Variants in ZNF529 observed in about 807,000 individuals in gnomAD.
ZNF529 encodes the protein zinc finger protein 529.
Under a neutral mutation model 10.1 loss-of-function variants are expected in ZNF529, and 11 were observed. The observed-to-expected ratio is 1.09, with a 90% CI of 0.69 to 1.81. The LOEUF is 1.81. Among genes scored for constraint, ZNF529 ranks in the 40% most tolerant of loss-of-function variants. ZNF529 has a pLI of 0.00. For missense variants in ZNF529, 624 were observed against 666.8 expected (o/e 0.94, Z 0.71); for synonymous variants, 204 against 215.7 (o/e 0.95, Z 0.47).
upstream of ZNF529, chr19:36,573,480 C>T (rs1165147165): frequency 2.1e-6 from 1 of 471,024 alleles, no homozygotes; most frequent in Admixed American, 2.3e-5. Context: ...TGCCGCTGCG[C>T]GTCCCCTAGG....
At chr19:36,549,203 TTC>T (rs2035169632) in intron 4 of ZNF529, among the ~76,000 whole-genome samples, 1 of 152,174 alleles carries the variant, frequency 6.6e-6, no homozygotes, top group Non-Finnish European at 1.5e-5. Flanking sequence ...ATAACTTCAT[TTC>T]TGTTTCTAAT....
chr19:36,563,452 C>G (rs1403444463), intron 2 of ZNF529, among the ~76,000 whole-genome samples: 1 of 151,184 alleles, frequency 6.6e-6, no homozygotes, highest in Non-Finnish European at 1.5e-5. Context: ...CTATGGGTGA[C>G]TCAGCTGCAA....
intron 2 of ZNF529, among the ~76,000 whole-genome samples, chr19:36,583,538 G>C (rs2036516680): frequency 6.6e-6 from 1 of 151,722 alleles, no homozygotes; most frequent in Non-Finnish European, 1.5e-5. Context: ...GCCCCACCGA[G>C]ATGAGCTCAA....
In ZNF529 at chr19:36,565,293, C is replaced by A. The variant is rs117163272; in HGVS notation, c.14+7040G>T. Among the ~76,000 whole-genome samples the A allele has an allele frequency of 4.3e-3, 656 of 152,026 alleles. 2 individuals are homozygous for A. Among genetic ancestry groups the A allele is most frequent in the Non-Finnish European group, 6.9e-3 (471 of 67,976 alleles). Reference sequence around the variant, plus strand: ...CAATGAAGGAGAAACTAAAACATACCCAAGTAAACAAAAACTGAGGGACCT... The same window carrying A: ...CAATGAAGGAGAAACTAAAACATACACAAGTAAACAAAAACTGAGGGACCT... On this transcript the variant is annotated intron_variant, in intron 2 of 4. Coordinates refer to ENST00000591340, the MANE Select transcript of ZNF529 (RefSeq NM_020951.5).
intron 1 of ZNF529, among the ~76,000 whole-genome samples, chr19:36,593,205 T>C (rs1301084383): frequency 6.6e-6 from 1 of 152,156 alleles, no homozygotes; most frequent in Non-Finnish European, 1.5e-5. Flanking sequence ...AGATAGGGTC[T>C]CAGTCTGTCA....
chr19:36,592,446 T>A (rs1363595523), intron 1 of ZNF529, among the ~76,000 whole-genome samples: 1 of 151,332 alleles, frequency 6.6e-6, no homozygotes. Flanking sequence ...TACAAAAAAC[T>A]AGCTGGGCAT....
chr19:36,557,526 C>A (rs1445092039), intron 2 of ZNF529, among the ~76,000 whole-genome samples: 5 of 152,146 alleles, frequency 3.3e-5, no homozygotes, highest in African/African-American at 1.2e-4. Context: ...TGAGAACTCA[C>A]CCACTATTAC....
At chr19:36,579,008 G>C (rs1431676966) in intron 2 of ZNF529, among the ~76,000 whole-genome samples, 1 of 151,446 alleles carries the variant, frequency 6.6e-6, no homozygotes, top group Non-Finnish European at 1.5e-5. Flanking sequence ...TCAGGAGTTC[G>C]AGACCAGCCT....
chr19:36,546,922 C>CCG lies in ZNF529; in HGVS notation c.1635_1636insCG (p.Val546ArgfsTer24). ...TTCGGTTGGCAAGTAAGATGCCCAA[C>CCG]AACACTAAAGGAATTCCCACACTCC... On this transcript the variant is annotated frameshift_variant, in exon 5 of 5. Coordinates refer to ENST00000591340, the MANE Select transcript of ZNF529 (RefSeq NM_020951.5). LOFTEE classifies it low-confidence loss of function (END_TRUNC). 1 of 1,613,272 alleles carries CCG rather than the reference C, an allele frequency of 6.2e-7. No homozygotes were observed.
intron 1 of ZNF529, among the ~76,000 whole-genome samples, chr19:36,592,859 A>G (rs1325571226): frequency 6.6e-6 from 1 of 152,194 alleles, no homozygotes; most frequent in Non-Finnish European, 1.5e-5. Flanking sequence ...AGAAAAAAAT[A>G]TGATCACTTT....
chr19:36,561,792 AC>A (rs1264548484), intron 2 of ZNF529, among the ~76,000 whole-genome samples: 1 of 152,294 alleles, frequency 6.6e-6, no homozygotes, highest in East Asian at 1.9e-4. Context: ...TTGGGGTCCA[AC>A]CCCCATCCCA....
At chr19:36,593,675 C>G (rs187231845) in intron 1 of ZNF529, among the ~76,000 whole-genome samples, 20 of 152,232 alleles carry the variant, frequency 1.3e-4, no homozygotes, top group Non-Finnish European at 2.5e-4. Context: ...CTCACTGGAA[C>G]TGGGGACAAC....
chr19:36,602,469 T>C (rs2036941743), intron 1 of ZNF529, among the ~76,000 whole-genome samples: 1 of 152,066 alleles, frequency 6.6e-6, no homozygotes, highest in Admixed American at 6.5e-5. Context: ...TGGTCAACTA[T>C]TAACAAAAAG....
At chr19:36,566,120 G>A (rs567061042) in intron 2 of ZNF529, among the ~76,000 whole-genome samples, 2 of 152,086 alleles carry the variant, frequency 1.3e-5, no homozygotes, top group Non-Finnish European at 2.9e-5. Context: ...TTCTGGCCCC[G>A]GAATAGCCAG....
intron 1 of ZNF529, among the ~76,000 whole-genome samples, chr19:36,598,782 A>C (rs1245857109): frequency 1.3e-5 from 2 of 152,198 alleles, no homozygotes; most frequent in African/African-American, 4.8e-5. Context: ...AAATCACCTA[A>C]TAAATATCAT....
chr19:36,556,304 A>G, intron 2 of ZNF529, 107 bp from the exon 3 acceptor site: 1 of 665,308 alleles, frequency 1.5e-6, no homozygotes. Context: ...ATCTCAAAAA[A>G]CATGTTAAGA....
Position 36,547,030 on chromosome 19 carries a change from C to G in ZNF529, c.1528G>C (p.Ala510Pro). ...CTATGTCTAAAGGCCTTCCCACATG[C>G]CTTGCATTCATAGGGTTTTTCTCCA... ...HTGEKPYECKACGKAFRHSSS... is the reference protein window; with the variant it reads ...HTGEKPYECKPCGKAFRHSSS... The change falls in exon 5 of 5, where the codon GCA (alanine) becomes CCA (proline). Residue 510 changes from alanine to proline, a missense_variant. Transcript: ENST00000591340. 6.2e-7 allele frequency: 1 copy of G among 1,613,996 alleles called. No individual in the cohort carries two copies. The highest frequency in any genetic ancestry group is 2.2e-5 in the East Asian group (1 of 44,862).
chr19:36,571,427 C>A (rs894322308), intron 2 of ZNF529, among the ~76,000 whole-genome samples: 2 of 152,110 alleles, frequency 1.3e-5, no homozygotes, highest in Non-Finnish European at 2.9e-5. Flanking sequence ...GTAATCCCAG[C>A]ACTTTGGGAG....
At chr19:36,595,078 C>T (rs554154297) in intron 1 of ZNF529, among the ~76,000 whole-genome samples, 3 of 152,164 alleles carry the variant, frequency 2.0e-5, no homozygotes, top group Admixed American at 6.5e-5. Flanking sequence ...GGGGTTTCAC[C>T]CTGTTGGTCA....
Sources: allele counts gnomAD v4.1 joint callset (sites outside exome capture counted in the v4.1 genomes callset), GRCh38; gene constraint gnomAD v4.1.1; transcripts MANE v1.5; gene names NCBI Gene and HGNC (gene_info 2026-07-23, HGNC 2026-07-21).